Variants in FAM200C observed in about 807,000 individuals in gnomAD.
chr5:160,394,183 T>A, the FAM200C span: 1 of 1,611,840 alleles, frequency 6.2e-7, no homozygotes, highest in South Asian at 1.1e-5. Context: ...CTTCATTATC[T>A]GAAACAATTA....
At chr5:160,394,702 T>C in the FAM200C span, 54 of 1,614,058 alleles carry the variant, frequency 3.3e-5, no homozygotes, top group South Asian at 5.8e-4. Flanking sequence ...CGATATGAGG[T>C]ATCTCTTTTT....
At chr5:160,396,665 A>C in the FAM200C span, among the ~76,000 whole-genome samples, 123 of 139,632 alleles carry the variant, frequency 8.8e-4, no homozygotes, top group Admixed American at 1.6e-3. Flanking sequence ...ATGCCACTGC[A>C]CTCCAGCCTG....
chr5:160,397,662 A>C, the FAM200C span: 4 of 152,202 alleles, frequency 2.6e-5, no homozygotes, highest in African/African-American at 9.6e-5. Context: ...TACTCCAATA[A>C]AATAAGCTGA....
At chr5:160,394,212 A>G in the FAM200C span, 1 of 1,611,630 alleles carries the variant, frequency 6.2e-7, no homozygotes, top group Non-Finnish European at 8.5e-7. Context: ...AGAAAAGGAA[A>G]ATTGGTAAAA....
At chr5:160,394,783 T>A in the FAM200C span, 4 of 1,614,014 alleles carry the variant, frequency 2.5e-6, no homozygotes, top group Non-Finnish European at 3.4e-6. Context: ...CAGAGCCACA[T>A]ACATCAAGTG....
the FAM200C span, among the ~76,000 whole-genome samples, chr5:160,396,603 T>A: frequency 6.7e-6 from 1 of 148,902 alleles, no homozygotes; most frequent in Admixed American, 6.8e-5. Context: ...ATACAAAAAA[T>A]TAGCTGGGCA....
At chr5:160,396,697 G>GAAAAAAAAAAAAAA in the FAM200C span, among the ~76,000 whole-genome samples, 1 of 49,266 alleles carries the variant, frequency 2.0e-5, no homozygotes. Flanking sequence ...AAGTCTCTGT[G>GAAAAAAAAAAAAAA]GAAAAAAAAA....
At chr5:160,393,782 A>G in the FAM200C span, 4 of 1,577,632 alleles carry the variant, frequency 2.5e-6, no homozygotes, top group Non-Finnish European at 3.4e-6. Flanking sequence ...TGAAATAGCC[A>G]CACGGATATC....
the FAM200C span, chr5:160,395,639 C>G: frequency 4.4e-6 from 3 of 682,936 alleles, no homozygotes; most frequent in Non-Finnish European, 7.7e-6. Context: ...AAGATACAGC[C>G]TGCAGCATGT....
the FAM200C span, chr5:160,395,494 A>G: frequency 1.9e-6 from 3 of 1,612,386 alleles, no homozygotes; most frequent in Non-Finnish European, 8.5e-7. Flanking sequence ...TCGACATGGC[A>G]CACAAAAATT....
the FAM200C span, chr5:160,395,319 C>T: frequency 5.2e-5 from 84 of 1,614,072 alleles, no homozygotes; most frequent in Non-Finnish European, 6.9e-5. Flanking sequence ...TGCCCAGCTA[C>T]ACCACCATGC....
the FAM200C span, among the ~76,000 whole-genome samples, chr5:160,396,204 T>C: frequency 6.9e-6 from 1 of 144,844 alleles, no homozygotes; most frequent in Non-Finnish European, 1.5e-5. Flanking sequence ...TCCACGTCCA[T>C]GTGTACACAT....
At chr5:160,394,033 A>G in the FAM200C span, 1 of 1,611,964 alleles carries the variant, frequency 6.2e-7, no homozygotes, top group Non-Finnish European at 8.5e-7. Context: ...AATAACTATC[A>G]TCAACAAAAT....
chr5:160,393,521 T>C, the FAM200C span: 1 of 598,504 alleles, frequency 1.7e-6, no homozygotes, highest in East Asian at 2.8e-5. Flanking sequence ...TAGGCAGTAG[T>C]ACTTAATCTT....
chr5:160,395,274 A>G, the FAM200C span: 1 of 1,614,134 alleles, frequency 6.2e-7, no homozygotes, highest in Admixed American at 1.7e-5. Flanking sequence ...CTCTGATCAG[A>G]TGGTGCTGGC....
At chr5:160,393,928 G>A in the FAM200C span, 3 of 1,614,064 alleles carry the variant, frequency 1.9e-6, no homozygotes, top group Non-Finnish European at 2.5e-6. Context: ...GAAATGCTGT[G>A]AATTGGGCAC....
the FAM200C span, chr5:160,395,634 A>G: frequency 2.9e-6 from 2 of 701,514 alleles, no homozygotes; most frequent in Non-Finnish European, 5.0e-6. Context: ...ATGTCAAGAT[A>G]CAGCCTGCAG....
At chr5:160,394,160 G>A in the FAM200C span, 3 of 1,612,092 alleles carry the variant, frequency 1.9e-6, no homozygotes, top group Admixed American at 5.0e-5. Context: ...TATTTCAGCT[G>A]CAATGAATAT....
chr5:160,394,640 G>A, the FAM200C span: 12 of 1,613,938 alleles, frequency 7.4e-6, no homozygotes, highest in Non-Finnish European at 1.0e-5. Flanking sequence ...CAGTTTTGTA[G>A]GCAATGTCTT....
Sources: gnomAD v4.1 joint callset for allele counts (sites outside exome capture counted in the v4.1 genomes callset) on GRCh38, gnomAD v4.1.1 for gene constraint, MANE v1.5 for transcripts.